NKAIN2: variants seen among roughly 807,000 people sequenced by gnomAD.
NKAIN2 encodes the protein sodium/potassium transporting ATPase interacting 2.
In NKAIN2, 14 loss-of-function variants were observed where a neutral mutation model predicts 32.6. The observed-to-expected ratio is 0.43, with a 90% CI of 0.28 to 0.67. The LOEUF (loss-of-function observed/expected upper bound fraction) is 0.67, where lower values mean the gene tolerates loss of function less well. NKAIN2 is among the 30% of genes least tolerant of loss of function. The probability of loss-of-function intolerance (pLI) is 0.17; values close to 1 mark genes in which losing one functional copy is unlikely to be tolerated. For synonymous variants in NKAIN2, 80 were observed against 87.2 expected, an observed-to-expected ratio of 0.92 and a Z score of 0.46; for missense variants, 198 against 258.3, an observed-to-expected ratio of 0.77 and a Z score of 1.60.
At position 123,978,109 on chromosome 6, in the gene NKAIN2, TA is replaced by T. The variant is rs1778723550; in HGVS notation, c.54+173859del. On this transcript the variant is annotated intron_variant, in intron 1 of 6. Transcript: ENST00000368417. ...CCATTACTAAATTTTCACTTTATTT[TA>T]AAAGCTTAATTTTTTGGAATTAAGG... is the stretch of plus-strand genomic sequence containing the variant. Among the ~76,000 whole-genome samples, 3 of 152,348 alleles carry T rather than the reference TA, an allele frequency of 2.0e-5. No homozygotes were observed. In the East Asian group the frequency reaches 5.8e-4, roughly 29 times the overall value.
chr6:124,275,739 T>A (rs954532523), intron 1 of NKAIN2, among the ~76,000 whole-genome samples: 1 of 152,112 alleles, frequency 6.6e-6, no homozygotes, highest in East Asian at 1.9e-4. Flanking sequence ...CATTTGAACA[T>A]CTCTAACTGA....
chr6:124,112,344 G>A (rs760959378), intron 1 of NKAIN2, among the ~76,000 whole-genome samples: 12 of 152,088 alleles, frequency 7.9e-5, no homozygotes, highest in Non-Finnish European at 1.5e-4. Flanking sequence ...ATTATTTGAT[G>A]ACAGTTTTAT....
chr6:124,072,774 A>C (rs910155161), intron 1 of NKAIN2, among the ~76,000 whole-genome samples: 5 of 152,048 alleles, frequency 3.3e-5, no homozygotes, highest in Admixed American at 6.6e-5. Flanking sequence ...CCCAAGTTTT[A>C]TTTCTTTCTT....
At chr6:124,222,895 G>A (rs1791906134) in intron 1 of NKAIN2, among the ~76,000 whole-genome samples, 1 of 152,158 alleles carries the variant, frequency 6.6e-6, no homozygotes, top group Non-Finnish European at 1.5e-5. Flanking sequence ...CATACTGTAA[G>A]TTCAGATGAT....
At chr6:124,048,809 G>A (rs548610936) in intron 1 of NKAIN2, among the ~76,000 whole-genome samples, 1 of 152,132 alleles carries the variant, frequency 6.6e-6, no homozygotes, top group African/African-American at 2.4e-5. Context: ...GAGATGCACA[G>A]AAAAATTGCT....
At chr6:124,046,634 G>A (rs766125058) in intron 1 of NKAIN2, among the ~76,000 whole-genome samples, 1 of 151,914 alleles carries the variant, frequency 6.6e-6, no homozygotes, top group Non-Finnish European at 1.5e-5. Context: ...TATATTGTTT[G>A]TTATAGTTTG....
At chr6:124,779,247 A>AAGAGAGAGAGAGAGAGAGAG (rs71024703) in intron 4 of NKAIN2, among the ~76,000 whole-genome samples, 5 of 75,366 alleles carry the variant, frequency 6.6e-5, no homozygotes, top group African/African-American at 3.0e-4. Flanking sequence ...CCAACAAAGA[A>AAGAGAGAGAGAGAGAGAGAG]AGAGAGAGAG....
chr6:124,299,067 A>G (rs1222580259), intron 2 of NKAIN2, among the ~76,000 whole-genome samples: 2 of 152,236 alleles, frequency 1.3e-5, no homozygotes, highest in Non-Finnish European at 2.9e-5. Context: ...CCTGGCAGGC[A>G]GAAAGAGACA....
intron 4 of NKAIN2, among the ~76,000 whole-genome samples, chr6:124,680,687 G>T (rs1201710531): frequency 6.6e-6 from 1 of 152,006 alleles, no homozygotes; most frequent in South Asian, 2.1e-4. Context: ...AGACAGCCCA[G>T]GATTTTTTCT....
chr6:124,339,652 C>T (rs1798039403), intron 2 of NKAIN2, among the ~76,000 whole-genome samples: 1 of 152,178 alleles, frequency 6.6e-6, no homozygotes, highest in African/African-American at 2.4e-5. Flanking sequence ...TGGACCTACG[C>T]AGATAATCCA....
intron 1 of NKAIN2, among the ~76,000 whole-genome samples, chr6:123,944,472 T>C (rs1776977426): frequency 6.6e-6 from 1 of 152,040 alleles, no homozygotes; most frequent in African/African-American, 2.4e-5. Flanking sequence ...CCCACATTCC[T>C]CAACTAGTTC....
chr6:124,102,348 C>T (rs1211180701), intron 1 of NKAIN2, among the ~76,000 whole-genome samples: 1 of 152,140 alleles, frequency 6.6e-6, no homozygotes, highest in Non-Finnish European at 1.5e-5. Flanking sequence ...CTTCAGCTCC[C>T]ATCAGAAATG....
At chr6:124,069,099 T>C (rs1475143001) in intron 1 of NKAIN2, among the ~76,000 whole-genome samples, 1 of 152,200 alleles carries the variant, frequency 6.6e-6, no homozygotes, top group Non-Finnish European at 1.5e-5. Flanking sequence ...GGTTATCTGT[T>C]CATTCCAGGA....
At chr6:124,762,236 T>C (rs1200818560) in intron 4 of NKAIN2, among the ~76,000 whole-genome samples, 3 of 152,176 alleles carry the variant, frequency 2.0e-5, no homozygotes, top group Non-Finnish European at 4.4e-5. Context: ...CTTCTTTCTG[T>C]GTCCTCATGT....
chr6:124,716,360 A>G (rs1562341789), intron 4 of NKAIN2, among the ~76,000 whole-genome samples: 1 of 152,214 alleles, frequency 6.6e-6, no homozygotes, highest in Non-Finnish European at 1.5e-5. Context: ...CTTTATAAAT[A>G]AACAAAGCAA....
chr6:124,334,556 G>C (rs1020094105), intron 2 of NKAIN2, among the ~76,000 whole-genome samples: 18 of 152,202 alleles, frequency 1.2e-4, no homozygotes, highest in African/African-American at 4.3e-4. Flanking sequence ...TTCCTGGTGG[G>C]GGGCACTAGA....
At chr6:124,482,994 C>T (rs1353171572) in intron 3 of NKAIN2, among the ~76,000 whole-genome samples, 4 of 152,074 alleles carry the variant, frequency 2.6e-5, no homozygotes, top group Non-Finnish European at 5.9e-5. Flanking sequence ...TGGTGGTGGG[C>T]GCCTGTAGTC....
intron 2 of NKAIN2, among the ~76,000 whole-genome samples, chr6:124,298,573 T>C (rs937626053): frequency 3.3e-5 from 5 of 152,106 alleles, no homozygotes; most frequent in African/African-American, 1.2e-4. Context: ...GGGATTATTT[T>C]TGTGGGTTAT....
At chr6:124,676,510 G>A (rs139073211) in intron 4 of NKAIN2, among the ~76,000 whole-genome samples, 2 of 152,154 alleles carry the variant, frequency 1.3e-5, no homozygotes, top group Non-Finnish European at 2.9e-5. Context: ...CTCTGATGTT[G>A]GATGCATAAA....
Sources: gnomAD v4.1 joint callset for allele counts (sites outside exome capture counted in the v4.1 genomes callset) on GRCh38, gnomAD v4.1.1 for gene constraint, MANE v1.5 for transcripts, NCBI Gene and HGNC (gene_info 2026-07-23, HGNC 2026-07-21) for gene names.